The following LRRC37A2 variants were observed in gnomAD, a reference collection of about 807,000 sequenced individuals.
The protein encoded by LRRC37A2 is leucine rich repeat containing 37 member A2.
LRRC37A2 carries 9 observed loss-of-function variants against 68.8 expected under a neutral mutation model. The observed-to-expected ratio is 0.13, with a 90% CI of 0.08 to 0.23. LRRC37A2 has a LOEUF of 0.23. Among genes scored for constraint, LRRC37A2 ranks in the 10% least tolerant of loss-of-function variants. The pLI, the probability that LRRC37A2 is intolerant of heterozygous loss-of-function variation, is 1.00. For missense variants in LRRC37A2, 168 were observed against 950.4 expected, an observed-to-expected ratio of 0.18 and a Z score of 10.82; for synonymous variants, 63 against 367.6, an observed-to-expected ratio of 0.17 and a Z score of 9.48.
chr17:46,875,149 C>T, the LRRC37A2 span: 1 of 1,614,008 alleles, frequency 6.2e-7, no homozygotes. Context: ...GCCGCCCTCA[C>T]CCACACCCTG....
At chr17:46,797,916 C>T in the LRRC37A2 span, among the ~76,000 whole-genome samples, 5 of 152,090 alleles carry the variant, frequency 3.3e-5, no homozygotes, top group African/African-American at 1.2e-4. Context: ...GCATTATTAC[C>T]TGGGAAAACC....
At chr17:47,034,626 C>A in the LRRC37A2 span, among the ~76,000 whole-genome samples, 1 of 151,512 alleles carries the variant, frequency 6.6e-6, no homozygotes, top group Non-Finnish European at 1.5e-5. Flanking sequence ...ACTTTGTTAC[C>A]CAGGCTGGTC....
the LRRC37A2 span, among the ~76,000 whole-genome samples, chr17:46,771,276 C>T: frequency 6.7e-4 from 102 of 152,242 alleles, no homozygotes; most frequent in African/African-American, 2.3e-3. Context: ...GGGGGCCCGA[C>T]GTCCCGCGTC....
the LRRC37A2 span, among the ~76,000 whole-genome samples, chr17:47,035,295 A>G: frequency 3.9e-5 from 6 of 152,232 alleles, no homozygotes; most frequent in African/African-American, 1.2e-4. Context: ...CCCCAAAAAA[A>G]CATGGTACCC....
At chr17:46,922,149 A>T in the LRRC37A2 span, among the ~76,000 whole-genome samples, 1 of 152,270 alleles carries the variant, frequency 6.6e-6, no homozygotes, top group African/African-American at 2.4e-5. Context: ...AATACTATGC[A>T]GCCATAAAAA....
At chr17:46,980,378 CTCTTCTTTCTTTCTCTTCTT>C in the LRRC37A2 span, among the ~76,000 whole-genome samples, 1 of 144,828 alleles carries the variant, frequency 6.9e-6, no homozygotes, top group Non-Finnish European at 1.5e-5. Context: ...CTTCTTCTTT[CTCTTCTTTCTTTCTCTTCTT>C]TCTTCTTTCT....
At chr17:46,864,363 T>A in the LRRC37A2 span, among the ~76,000 whole-genome samples, 1 of 152,206 alleles carries the variant, frequency 6.6e-6, no homozygotes, top group African/African-American at 2.4e-5. Context: ...TCTCTTCACA[T>A]ACCAGGCCCT....
At chr17:46,388,558 G>T in the LRRC37A2 span, among the ~76,000 whole-genome samples, 1 of 1,108 alleles carries the variant, frequency 9.0e-4, no homozygotes, top group East Asian at 0.25. Flanking sequence ...GCAAAACTCC[G>T]TCTCAAAAAA....
the LRRC37A2 span, among the ~76,000 whole-genome samples, chr17:46,804,963 C>T: frequency 2.8e-5 from 4 of 142,964 alleles, no homozygotes; most frequent in African/African-American, 7.7e-5. Flanking sequence ...CCTTGGGTCG[C>T]CTTCCATGCT....
the LRRC37A2 span, among the ~76,000 whole-genome samples, chr17:46,469,780 A>C: frequency 1.5e-5 from 1 of 65,944 alleles, no homozygotes; most frequent in Non-Finnish European, 3.8e-5. Flanking sequence ...TCTTTTCTTC[A>C]CTGTCAGTCT....
At chr17:46,949,484 G>C in the LRRC37A2 span, 2 of 152,198 alleles carry the variant, frequency 1.3e-5, no homozygotes, top group South Asian at 2.1e-4. Context: ...GCCCCCAGCT[G>C]CCTCTCAGTG....
the LRRC37A2 span, among the ~76,000 whole-genome samples, chr17:47,011,279 GT>G: frequency 6.6e-6 from 1 of 152,140 alleles, no homozygotes; most frequent in Admixed American, 6.5e-5. Flanking sequence ...GATGGGTGTA[GT>G]GGCTTACACC....
At chr17:46,755,077 G>A in the LRRC37A2 span, among the ~76,000 whole-genome samples, 10 of 152,356 alleles carry the variant, frequency 6.6e-5, no homozygotes, top group South Asian at 4.1e-4. Context: ...GATGGCCAGC[G>A]GGCTTGGGTC....
chr17:46,965,579 G>C, the LRRC37A2 span, among the ~76,000 whole-genome samples: 1 of 151,964 alleles, frequency 6.6e-6, no homozygotes, highest in African/African-American at 2.4e-5. Context: ...CGTGGTTTCT[G>C]CTCCACCCAG....
chr17:46,891,843 T>C, the LRRC37A2 span, among the ~76,000 whole-genome samples: 1 of 152,152 alleles, frequency 6.6e-6, no homozygotes, highest in African/African-American at 2.4e-5. Context: ...CTGTTTCTAG[T>C]GAAGGTTAAT....
exon 10 of LRRC37A2, chr17:46,548,524 G>T: frequency 1.4e-6 from 2 of 1,393,848 alleles, no homozygotes; most frequent in African/African-American, 4.1e-5. Flanking sequence ...TTATTTCTCA[G>T]CGGTAAACCT....
At chr17:46,711,395 CA>C in the LRRC37A2 span, among the ~76,000 whole-genome samples, 1 of 152,170 alleles carries the variant, frequency 6.6e-6, no homozygotes, top group Admixed American at 6.5e-5. Flanking sequence ...CACTTAGCCT[CA>C]ATTCAATTAA....
the LRRC37A2 span, among the ~76,000 whole-genome samples, chr17:46,871,795 T>C: frequency 6.6e-6 from 1 of 152,234 alleles, no homozygotes; most frequent in Admixed American, 6.5e-5. Flanking sequence ...GGAATTCAGC[T>C]CCTTCACCTT....
the LRRC37A2 span, among the ~76,000 whole-genome samples, chr17:46,736,808 A>C: frequency 6.6e-6 from 1 of 152,212 alleles, no homozygotes; most frequent in Non-Finnish European, 1.5e-5. Flanking sequence ...ATTTAATTGA[A>C]TATCTGAAAT....
Sources: gnomAD v4.1 joint callset for allele counts (sites outside exome capture counted in the v4.1 genomes callset) on GRCh38, gnomAD v4.1.1 for gene constraint, MANE v1.5 for transcripts, NCBI Gene and HGNC (gene_info 2026-07-23, HGNC 2026-07-21) for gene names.